BCAR1: variants seen among roughly 807,000 people sequenced by gnomAD.
BCAR1 encodes BCAR1 scaffold protein, Cas family member.
Under a neutral mutation model 67.6 loss-of-function variants are expected in BCAR1, and 30 were observed. That is an observed-to-expected ratio of 0.44 (90% CI 0.33 to 0.60). BCAR1 has a LOEUF of 0.60. BCAR1 is among the 20% of genes least tolerant of loss of function. The probability of loss-of-function intolerance (pLI) is 0.02; values close to 1 mark genes in which losing one functional copy is unlikely to be tolerated. For missense variants in BCAR1, 1,313 were observed against 1,222.3 expected, an observed-to-expected ratio of 1.07 and a Z score of -1.11; for synonymous variants, 626 against 556.7, an observed-to-expected ratio of 1.12 and a Z score of -1.75.
At chr16:75,263,528 G>A (rs1050059532) in intron 1 of BCAR1, 1 of 985,262 alleles carries the variant, frequency 1.0e-6, no homozygotes, top group Non-Finnish European at 1.2e-6. Context: ...TCTGGGTCCG[G>A]GACTGCATGT....
rs769456547 is a variant in BCAR1, at chr16:75,235,805, G to A, written c.1094C>T (p.Pro365Leu). ...GTCGTAGAGGTCAGGAGCCGGGGGC[G>A]GCACGTCATACACGTCCTCGGCCGG... is the stretch of plus-strand genomic sequence containing the variant. ...SPPAEDVYDV[P>L]PPAPDLYDVP... Residue 365 changes from proline (P) to leucine (L), a missense_variant, in exon 5 of 7, where the codon CCG becomes CTG. Pro to Leu is a moderately conservative substitution (Grantham distance 98). Around this residue, in one of 2 missense-constraint regions of BCAR1, gnomAD observed 1,272 missense variants for 1,137.5 expected, o/e 1.12. Transcript: ENST00000162330. The A allele has an allele frequency of 7.5e-6, 12 of 1,592,082 alleles. No homozygotes were observed. Among genetic ancestry groups the A allele is most frequent in the South Asian group, 4.5e-5 (4 of 88,024 alleles).
At position 75,230,024 on chromosome 16, in the gene BCAR1, C is replaced by T. The variant is rs867690485; in HGVS notation, c.2101-1G>A. The T allele has an allele frequency of 6.5e-7, 1 of 1,529,666 alleles. No homozygotes were observed. Among genetic ancestry groups the T allele is most frequent in the Admixed American group, 2.0e-5 (1 of 49,276 alleles). The allele number at this position is 1,529,666 out of a possible 1,614,324, so 94.8% of individuals were successfully genotyped here. On this transcript the variant is annotated splice_acceptor_variant, in intron 6 of 6. Coordinates refer to ENST00000162330, the MANE Select transcript of BCAR1 (RefSeq NM_014567.5). LOFTEE classifies it high-confidence loss of function. ...GTTCCAGTCGTTCAAACTGCTTCAG[C>T]TGGGGCAGGAGGGAAGCAGGAGCAG...
intron 4 of BCAR1, chr16:75,236,259 C>A (rs1440192789): frequency 3.9e-6 from 2 of 513,346 alleles, no homozygotes; most frequent in African/African-American, 2.0e-5. Context: ...CAGGTGACCA[C>A]CCCTGTGCCT....
chr16:75,262,632 G>C (rs892744412), intron 1 of BCAR1, among the ~76,000 whole-genome samples: 3 of 152,174 alleles, frequency 2.0e-5, no homozygotes, highest in African/African-American at 7.2e-5. Context: ...TGCCAGGCCA[G>C]CTATGAACCC....
Position 75,267,486 on chromosome 16 carries a change from C to T in BCAR1, c.66+429G>A, listed in dbSNP as rs545621596. Among the ~76,000 whole-genome samples, 10 of 152,248 alleles carry T rather than the reference C, an allele frequency of 6.6e-5. No individual in the cohort carries two copies. In the East Asian group the frequency reaches 7.7e-4, roughly 12 times the overall value. ...GCACGTGGCCCTGCCCGTGCCCACCCGCCCGCATCCAGCTGGCACAGGGGC... is the reference window on the plus strand; with the variant it reads ...GCACGTGGCCCTGCCCGTGCCCACCTGCCCGCATCCAGCTGGCACAGGGGC... On this transcript the variant is annotated intron_variant, in intron 1 of 6. Transcript: ENST00000393422.
At chr16:75,236,661 T>C (rs2077147211) in intron 4 of BCAR1, 5 of 890,154 alleles carry the variant, frequency 5.6e-6, no homozygotes, top group South Asian at 3.0e-5. Flanking sequence ...CAGGAGCTCA[T>C]GGAGAAGGCC....
chr16:75,255,180 G>A (rs915138190), upstream of BCAR1, among the ~76,000 whole-genome samples: 1 of 152,204 alleles, frequency 6.6e-6, no homozygotes, highest in Non-Finnish European at 1.5e-5. Flanking sequence ...AAACTAAAGT[G>A]AAAAGAGCAG....
At chr16:75,265,695 G>T in intron 1 of BCAR1, 1 of 1,077,376 alleles carries the variant, frequency 9.3e-7, no homozygotes, top group Non-Finnish European at 1.2e-6. Flanking sequence ...CTCCCCCGGG[G>T]CCGAGGAGGC....
At chr16:75,241,170 C>T (rs956486972) in intron 2 of BCAR1, among the ~76,000 whole-genome samples, 3 of 152,128 alleles carry the variant, frequency 2.0e-5, no homozygotes, top group Non-Finnish European at 4.4e-5. Context: ...TGAGTATGCA[C>T]GTGTGTTTAC....
At chr16:75,264,746 C>G in intron 1 of BCAR1, 1 of 943,430 alleles carries the variant, frequency 1.1e-6, no homozygotes, top group South Asian at 5.4e-5. Flanking sequence ...GCCAGAAAGC[C>G]CCCACTGCCT....
At chr16:75,243,858 A>G (rs1010972884) in intron 1 of BCAR1, among the ~76,000 whole-genome samples, 6 of 152,150 alleles carry the variant, frequency 3.9e-5, no homozygotes, top group Admixed American at 3.3e-4. Context: ...GTTTCCCACC[A>G]CACACTCATG....
chr16:75,238,654 C>T (rs1187456637), intron 2 of BCAR1: 1 of 985,928 alleles, frequency 1.0e-6, no homozygotes, highest in Non-Finnish European at 1.2e-6. Flanking sequence ...GTAGCAGAGT[C>T]CCGGCTGGGG....
chr16:75,254,459 G>T (rs1288444981), upstream of BCAR1, among the ~76,000 whole-genome samples: 1 of 152,224 alleles, frequency 6.6e-6, no homozygotes, highest in Non-Finnish European at 1.5e-5. Context: ...GACCTCAGAG[G>T]TGGCCCTCAT....
chr16:75,232,374 G>A (rs1275412248), intron 6 of BCAR1, among the ~76,000 whole-genome samples: 1 of 152,152 alleles, frequency 6.6e-6, no homozygotes, highest in Non-Finnish European at 1.5e-5. Flanking sequence ...TGACCAGGCT[G>A]GTCTCAAACT....
intron 1 of BCAR1, among the ~76,000 whole-genome samples, chr16:75,261,100 A>G (rs944667620): frequency 6.6e-5 from 10 of 152,210 alleles, no homozygotes; most frequent in African/African-American, 2.4e-4. Flanking sequence ...CACCAGAGCA[A>G]GCATCCCTTC....
Position 75,235,559 on chromosome 16 carries a change from G to A in BCAR1, c.1340C>T (p.Ala447Val). 6.3e-7 allele frequency: 1 copy of A among 1,595,680 alleles called. No homozygotes were observed. The highest frequency in any genetic ancestry group is 8.5e-7 in the Non-Finnish European group (1 of 1,171,800). Residue 447 changes from alanine (A) to valine (V), a missense_variant, in exon 5 of 7, where the codon GCA becomes GTA. Transcript: ENST00000162330. Reference sequence around the variant, plus strand: ...CTCCAGGGGTTCCCGGCCCGGCCCTGCCACCTCCAAGGAGGACGCAGACTG... The same window carrying A: ...CTCCAGGGGTTCCCGGCCCGGCCCTACCACCTCCAAGGAGGACGCAGACTG... The part of the protein sequence containing the change: ...SSQSASSLEV[A>V]GPGREPLELE...
At position 75,229,679 on chromosome 16, in the gene BCAR1, G is replaced by A. The variant is rs375769360; in HGVS notation, c.2445C>T (p.Tyr815=). The stretch of plus-strand genomic sequence containing the variant: ...GCAGGAGGTCGCACAGCAGGTTGCT[G>A]TAGTGGGTCACCTGGCTGCGCACGT... ...AADVRSQVTH[Y]SNLLCDLLRG... Residue 815 remains tyrosine (Y), a synonymous_variant, in exon 7 of 7, where the codon TAC becomes TAT. Coordinates refer to ENST00000162330, the MANE Select transcript of BCAR1 (RefSeq NM_014567.5). 1.4e-5 allele frequency: 22 copies of A among 1,612,906 alleles called. No individual in the cohort carries two copies. The highest frequency in any genetic ancestry group is 1.6e-4 in the Middle Eastern group (1 of 6,062).
At chr16:75,252,140 A>G (rs1047146513), upstream of BCAR1, 13 of 1,468,196 alleles carry the variant, frequency 8.9e-6, no homozygotes, top group Admixed American at 5.9e-5. Flanking sequence ...CTCCGACTGT[A>G]GACGGTCCCA....
chr16:75,237,439 CA>C, intron 2 of BCAR1, 95 bp from the exon 3 acceptor site: 12 of 1,352,792 alleles, frequency 8.9e-6, no homozygotes, highest in Non-Finnish European at 1.2e-5. Context: ...AGGAGGTGGG[CA>C]GGGCACACCA....
Sources: gnomAD v4.1 joint callset for allele counts (sites outside exome capture counted in the v4.1 genomes callset) on GRCh38, gnomAD v4.1.1 for gene constraint, gnomAD v4.1.1 regional missense constraint, MANE v1.5 for transcripts, NCBI Gene and HGNC (gene_info 2026-07-23, HGNC 2026-07-21) for gene names.